Variants in CNTN5 observed in about 807,000 individuals in gnomAD.
CNTN5 encodes contactin-5.
Under a neutral mutation model 129.1 loss-of-function variants are expected in CNTN5, and 77 were observed. The observed-to-expected ratio is 0.60, with a 90% CI of 0.50 to 0.72. The LOEUF (loss-of-function observed/expected upper bound fraction) is 0.72, where lower values mean the gene tolerates loss of function less well. Among genes scored for constraint, CNTN5 ranks in the 30% least tolerant of loss-of-function variants. The probability of loss-of-function intolerance (pLI) is 0.00; values close to 1 mark genes in which losing one functional copy is unlikely to be tolerated. For synonymous variants in CNTN5, 509 were observed against 465.6 expected (o/e 1.09, Z -1.20); for missense variants, 1,478 against 1,328.8 (o/e 1.11, Z -1.75).
At chr11:100,272,587 A>T (rs1471057232) in intron 18 of CNTN5, among the ~76,000 whole-genome samples, 1 of 152,174 alleles carries the variant, frequency 6.6e-6, no homozygotes, top group Admixed American at 6.5e-5. Context: ...CAAATGGAAC[A>T]GCTCCTACTG....
At chr11:100,246,034 C>T (rs922725136) in intron 16 of CNTN5, among the ~76,000 whole-genome samples, 2 of 151,956 alleles carry the variant, frequency 1.3e-5, no homozygotes, top group Non-Finnish European at 2.9e-5. Context: ...TTGAATATTC[C>T]AATGATAGTA....
At chr11:99,790,186 A>T (rs572115198) in intron 3 of CNTN5, among the ~76,000 whole-genome samples, 15 of 152,032 alleles carry the variant, frequency 9.9e-5, no homozygotes, top group African/African-American at 3.6e-4. Flanking sequence ...CTTTTTTAAA[A>T]TTTTTATTTT....
At chr11:99,774,127 TTTAAG>T (rs1324121090) in intron 3 of CNTN5, among the ~76,000 whole-genome samples, 1 of 152,044 alleles carries the variant, frequency 6.6e-6, no homozygotes, top group East Asian at 1.9e-4. Flanking sequence ...TCTAGAATGG[TTTAAG>T]TTTTCGAACC....
chr11:100,176,835 A>G lies in CNTN5; in HGVS notation c.1581-14291A>G, dbSNP rs931770937. On this transcript the variant is annotated intron_variant, in intron 13 of 24. Transcript: ENST00000524871. ...TTTACTACATATTTAATATATGAGT[A>G]TATTTCATATAGTATGGTGTGTGTG... Among the ~76,000 whole-genome samples the G allele has an allele frequency of 3.7e-5, 5 of 133,672 alleles. No individual in the cohort carries two copies. In the Admixed American group the frequency reaches 4.0e-4, roughly 11 times the overall value. 87.7% of individuals were successfully genotyped at this position (133,672 alleles called of 152,430 possible).
In CNTN5 at chr11:99,154,475, A is replaced by G. The variant is rs116955975; in HGVS notation, c.-210+133205A>G. The stretch of plus-strand genomic sequence containing the variant: ...TTCCCGTGTTTGAGCATCTGAGGTG[A>G]TGGGTGGCAAGGAGCACTCACACAT... On this transcript the variant is annotated intron_variant, in intron 1 of 24. Transcript: ENST00000524871. 1.9e-4 allele frequency among the ~76,000 whole-genome samples: 29 copies of G among 152,250 alleles called. No homozygotes were observed. In the East Asian group the frequency reaches 5.6e-3, roughly 30 times the overall value.
At chr11:99,928,695 G>A (rs900088437) in intron 7 of CNTN5, among the ~76,000 whole-genome samples, 7 of 152,142 alleles carry the variant, frequency 4.6e-5, no homozygotes, top group Admixed American at 2.0e-4. Flanking sequence ...CTCATCCTAG[G>A]CCTGTGGGCC....
intron 3 of CNTN5, among the ~76,000 whole-genome samples, chr11:99,686,097 A>G (rs918696844): frequency 2.5e-4 from 36 of 141,930 alleles, no homozygotes; most frequent in East Asian, 9.7e-4. Flanking sequence ...CCACCTGTGT[A>G]TATATATATA....
At chr11:100,001,415 G>A (rs893041301) in intron 8 of CNTN5, among the ~76,000 whole-genome samples, 1 of 152,150 alleles carries the variant, frequency 6.6e-6, no homozygotes, top group African/African-American at 2.4e-5. Context: ...TGTGATTTTA[G>A]TGGGGACACA....
chr11:100,277,537 T>C (rs1286219630), intron 18 of CNTN5, among the ~76,000 whole-genome samples: 2 of 152,158 alleles, frequency 1.3e-5, no homozygotes, highest in Non-Finnish European at 1.5e-5. Context: ...AAATTACATC[T>C]TATTGAAGTT....
chr11:100,134,527 T>C lies in CNTN5; in HGVS notation c.1581-56599T>C, dbSNP rs774200937. Among the ~76,000 whole-genome samples the C allele has an allele frequency of 9.9e-5, 15 of 152,170 alleles. 1 individual carries two copies. The highest frequency in any genetic ancestry group is 1.8e-4 in the Non-Finnish European group (12 of 68,026). Reference sequence around the variant, plus strand: ...TAAATGATAAACTGGAGTTTTATTATTTTATTCCATGTATTTCTTTATCAA... The same window carrying C: ...TAAATGATAAACTGGAGTTTTATTACTTTATTCCATGTATTTCTTTATCAA... On this transcript the variant is annotated intron_variant, in intron 13 of 24. Coordinates refer to ENST00000524871, the MANE Select transcript of CNTN5 (RefSeq NM_014361.4).
chr11:100,286,367 T>G (rs1203857152), intron 18 of CNTN5, among the ~76,000 whole-genome samples: 4 of 151,620 alleles, frequency 2.6e-5, no homozygotes, highest in African/African-American at 9.7e-5. Context: ...TCTGACAGCT[T>G]TGAAGAGAGC....
chr11:99,654,694 G>A (rs1247604390), intron 3 of CNTN5, among the ~76,000 whole-genome samples: 2 of 151,964 alleles, frequency 1.3e-5, no homozygotes, highest in Admixed American at 6.6e-5. Flanking sequence ...GTGCTTAAAA[G>A]GTCTGAACAT....
intron 1 of CNTN5, among the ~76,000 whole-genome samples, chr11:99,319,977 T>C (rs1007896392): frequency 2.0e-5 from 3 of 152,164 alleles, no homozygotes; most frequent in African/African-American, 7.2e-5. Context: ...GGCTTTAGCA[T>C]GCCTGTAATC....
intron 4 of CNTN5, among the ~76,000 whole-genome samples, chr11:99,827,894 CT>C (rs1184925526): frequency 6.6e-6 from 1 of 152,124 alleles, no homozygotes; most frequent in Non-Finnish European, 1.5e-5. Context: ...AATAGGATTA[CT>C]ACTGTGAACA....
At chr11:99,059,109 T>C (rs1470666098) in intron 1 of CNTN5, among the ~76,000 whole-genome samples, 3 of 148,648 alleles carry the variant, frequency 2.0e-5, no homozygotes, top group African/African-American at 2.5e-5. Flanking sequence ...TTTCATCTTG[T>C]CTTTTTCTTT....
intron 6 of CNTN5, among the ~76,000 whole-genome samples, chr11:99,850,035 A>G (rs963554391): frequency 6.6e-6 from 1 of 152,094 alleles, no homozygotes; most frequent in Admixed American, 6.5e-5. Context: ...TAGTAATGAA[A>G]ATAAGCATGC....
At chr11:99,635,515 T>G (rs904893575) in intron 3 of CNTN5, among the ~76,000 whole-genome samples, 4 of 152,030 alleles carry the variant, frequency 2.6e-5, no homozygotes, top group Non-Finnish European at 5.9e-5. Flanking sequence ...CTACTACATA[T>G]GACTGCTCTA....
At chr11:99,851,777 G>C (rs1947881519) in intron 6 of CNTN5, among the ~76,000 whole-genome samples, 1 of 152,174 alleles carries the variant, frequency 6.6e-6, no homozygotes, top group Non-Finnish European at 1.5e-5. Context: ...CTCTTTGAGA[G>C]ATTATATGAC....
intron 6 of CNTN5, among the ~76,000 whole-genome samples, chr11:99,905,505 G>A (rs11221839): frequency 0.32 from 47,912 of 152,020 alleles, 8,386 homozygotes; most frequent in Non-Finnish European, 0.4. Flanking sequence ...CTATATATCC[G>A]TTTTGGTACC....
Sources: allele counts gnomAD v4.1 joint callset (sites outside exome capture counted in the v4.1 genomes callset), GRCh38; gene constraint gnomAD v4.1.1; transcripts MANE v1.5; gene names NCBI Gene and HGNC (gene_info 2026-07-23, HGNC 2026-07-21).